OXR1: variants seen among roughly 807,000 people sequenced by gnomAD.
OXR1 encodes oxidation resistance protein 1.
Under a neutral mutation model 104.6 loss-of-function variants are expected in OXR1, and 41 were observed. The ratio of observed to expected loss-of-function variants is 0.39; its 90% CI spans 0.31 to 0.51. The LOEUF (loss-of-function observed/expected upper bound fraction) is 0.51. Among genes scored for constraint, OXR1 ranks in the 20% least tolerant of loss-of-function variants. OXR1 has a pLI of 0.77. For synonymous variants in OXR1, 348 were observed against 348.4 expected, an observed-to-expected ratio of 1.00 and a Z score of 0.01; for missense variants, 955 against 1,031.9, an observed-to-expected ratio of 0.93 and a Z score of 1.02.
chr8:106,455,235 A>C (rs1371458202), intron 2 of OXR1, among the ~76,000 whole-genome samples: 1 of 152,176 alleles, frequency 6.6e-6, no homozygotes, highest in Non-Finnish European at 1.5e-5. Context: ...TGTGTTGGCC[A>C]AGGCCCATGT....
chr8:106,719,601 G>T (rs1157358534), intron 11 of OXR1, among the ~76,000 whole-genome samples: 1 of 151,896 alleles, frequency 6.6e-6, no homozygotes, highest in African/African-American at 2.4e-5. Context: ...CTCCTCCATT[G>T]CTTTGCTTTG....
At chr8:106,514,468 T>A (rs1812736614) in intron 2 of OXR1, among the ~76,000 whole-genome samples, 1 of 152,090 alleles carries the variant, frequency 6.6e-6, no homozygotes, top group Admixed American at 6.6e-5. Context: ...TATTCTAAAC[T>A]TAGAACAAAA....
Position 106,271,240 on chromosome 8 carries a change from C to G in OXR1, c.-139+873C>G, listed in dbSNP as rs143150257. ...TGAGGTTCACTTTCACCCCTGGCTC[C>G]TCCTCCGTCTACTACCCGGCTTGGA... On this transcript the variant is annotated intron_variant, in intron 1 of 16. Transcript: ENST00000517566. 4.1e-4 allele frequency among the ~76,000 whole-genome samples: 63 copies of G among 152,264 alleles called. 3 individuals carry two copies. The highest frequency in any genetic ancestry group is 1.4e-3 in the African/African-American group (60 of 41,546).
intron 2 of OXR1, among the ~76,000 whole-genome samples, chr8:106,409,999 AACAC>A (rs199674728): frequency 7.2e-6 from 1 of 138,544 alleles, no homozygotes; most frequent in Non-Finnish European, 1.5e-5. Flanking sequence ...CACACACACA[AACAC>A]ACACACACAC....
intron 7 of OXR1, among the ~76,000 whole-genome samples, chr8:106,700,186 C>T (rs192859855): frequency 9.1e-4 from 139 of 152,216 alleles, no homozygotes; most frequent in African/African-American, 3.1e-3. Context: ...TAAGTAGATA[C>T]TTTAATTGAA....
chr8:106,323,279 A>G (rs557760113), intron 1 of OXR1, among the ~76,000 whole-genome samples: 1 of 152,326 alleles, frequency 6.6e-6, no homozygotes, highest in Admixed American at 6.5e-5. Flanking sequence ...AAAACAAGCA[A>G]TGGCAAAAAG....
At chr8:106,369,522 T>A (rs1221395377) in intron 2 of OXR1, among the ~76,000 whole-genome samples, 1 of 152,220 alleles carries the variant, frequency 6.6e-6, no homozygotes, top group African/African-American at 2.4e-5. Flanking sequence ...AGGGTTTTTA[T>A]GGTTTGGGGT....
At chr8:106,336,547 T>C (rs1475844132) in intron 1 of OXR1, among the ~76,000 whole-genome samples, 1 of 152,220 alleles carries the variant, frequency 6.6e-6, no homozygotes, top group Admixed American at 6.5e-5. Context: ...AAATATAGAC[T>C]TGTGCCTACA....
chr8:106,471,567 T>C (rs1187260172), intron 2 of OXR1, among the ~76,000 whole-genome samples: 1 of 151,798 alleles, frequency 6.6e-6, no homozygotes, highest in African/African-American at 2.4e-5. Flanking sequence ...TCAGTAACCA[T>C]AGACCTGGTG....
intron 2 of OXR1, among the ~76,000 whole-genome samples, chr8:106,392,734 A>G (rs1365318403): frequency 6.6e-6 from 1 of 152,166 alleles, no homozygotes; most frequent in African/African-American, 2.4e-5. Context: ...TAAACCAGCT[A>G]GTTATGTCAT....
intron 6 of OXR1, among the ~76,000 whole-genome samples, chr8:106,691,975 G>GTATATATATATA (rs1554621712): frequency 7.0e-6 from 1 of 142,546 alleles, no homozygotes; most frequent in Non-Finnish European, 1.5e-5. Flanking sequence ...GTGTGTGTGT[G>GTATATATATATA]TCTATATATA....
rs756560857 is a variant in OXR1, at chr8:106,517,250, G to GCTT, written c.24-1692_24-1690dup. ...CCATTTTACTATCATAGATAGTACT[G>GCTT]CTTGTGTTTGGACTTAATATACGTA... On this transcript the variant is annotated intron_variant, in intron 2 of 16. Coordinates refer to ENST00000517566, the MANE Select transcript of OXR1 (RefSeq NM_001198533.2). 5.9e-5 allele frequency among the ~76,000 whole-genome samples: 9 copies of GCTT among 152,108 alleles called. No homozygotes were observed. The East Asian group carries it at 1.5e-3, about 26-fold the overall frequency.
chr8:106,670,396 G>A (rs568945610), intron 3 of OXR1, among the ~76,000 whole-genome samples: 2 of 152,168 alleles, frequency 1.3e-5, no homozygotes, highest in African/African-American at 2.4e-5. Context: ...TTTGTCAGAC[G>A]ATTTTGCAAA....
chr8:106,631,962 G>A (rs527797723), intron 3 of OXR1, among the ~76,000 whole-genome samples: 1 of 152,190 alleles, frequency 6.6e-6, no homozygotes, highest in East Asian at 1.9e-4. Context: ...TAAATACTTA[G>A]TTTGGAAACT....
At chr8:106,354,228 A>G (rs1468871891) in intron 1 of OXR1, among the ~76,000 whole-genome samples, 1 of 152,156 alleles carries the variant, frequency 6.6e-6, no homozygotes, top group Non-Finnish European at 1.5e-5. Context: ...GGGAAACCAG[A>G]AAACAAGAAA....
intron 3 of OXR1, among the ~76,000 whole-genome samples, chr8:106,555,958 A>T (rs201519560): frequency 1.4e-5 from 2 of 146,066 alleles, no homozygotes; most frequent in Non-Finnish European, 3.0e-5. Flanking sequence ...ACACAATGGA[A>T]TATTAAACTA....
At chr8:106,722,234 A>G (rs1005751528) in intron 11 of OXR1, among the ~76,000 whole-genome samples, 20 of 152,220 alleles carry the variant, frequency 1.3e-4, no homozygotes, top group African/African-American at 4.6e-4. Flanking sequence ...CAAAATCCAC[A>G]TAGAATTAAT....
chr8:106,341,019 A>G (rs1050467061), intron 1 of OXR1, among the ~76,000 whole-genome samples: 26 of 152,292 alleles, frequency 1.7e-4, no homozygotes, highest in African/African-American at 6.3e-4. Context: ...TGATAAGCCC[A>G]AGCTTGAACA....
rs373008170 is a variant in OXR1 at position 106,492,548 on chromosome 8, A to C, written c.24-26395A>C. On this transcript the variant is annotated intron_variant, in intron 2 of 16. Coordinates refer to ENST00000517566, the MANE Select transcript of OXR1 (RefSeq NM_001198533.2). ...TTGGCAGGCGTACCAAGTAGGAGCT[A>C]CTTGAAGGTCACCTGCACAATGATG... 1.5e-4 allele frequency among the ~76,000 whole-genome samples: 23 copies of C among 152,288 alleles called. No individual in the cohort carries two copies. In the East Asian group the frequency reaches 3.7e-3, roughly 24 times the overall value.
Sources: allele counts gnomAD v4.1 joint callset (sites outside exome capture counted in the v4.1 genomes callset), GRCh38; gene constraint gnomAD v4.1.1; transcripts MANE v1.5; gene names NCBI Gene and HGNC (gene_info 2026-07-23, HGNC 2026-07-21).